OTOP1: variants seen among roughly 807,000 people sequenced by gnomAD.
OTOP1 encodes proton channel OTOP1.
A neutral mutation model predicts 52.9 loss-of-function variants in OTOP1; 59 were observed. That is an observed-to-expected ratio of 1.12 (90% CI 0.91 to 1.39). The LOEUF is 1.39. Ranked by LOEUF, OTOP1 falls within the 40% of genes most tolerant of loss-of-function variation. The pLI is 0.00. For missense variants in OTOP1, 761 were observed against 800.9 expected (o/e 0.95, Z 0.60); for synonymous variants, 317 against 337.7 (o/e 0.94, Z 0.67).
At chr4:4,209,505 T>A (rs1234142071) in intron 2 of OTOP1, among the ~76,000 whole-genome samples, 1 of 152,142 alleles carries the variant, frequency 6.6e-6, no homozygotes, top group Non-Finnish European at 1.5e-5. Context: ...AAAATTCACA[T>A]CTGTCCCAGT....
At chr4:4,220,057 G>T (rs1159677939) in intron 1 of OTOP1, among the ~76,000 whole-genome samples, 7 of 126,820 alleles carry the variant, frequency 5.5e-5, no homozygotes, top group South Asian at 4.8e-4. Context: ...ATACATATAC[G>T]TGTATATACA....
intron 5 of OTOP1, among the ~76,000 whole-genome samples, chr4:4,195,091 G>A (rs1184597111): frequency 1.3e-5 from 2 of 152,072 alleles, no homozygotes; most frequent in African/African-American, 4.8e-5. Flanking sequence ...GTCCTCCCTT[G>A]CCCTCAACAT....
At chr4:4,219,888 CAT>C (rs1376485785) in intron 1 of OTOP1, among the ~76,000 whole-genome samples, 6 of 143,828 alleles carry the variant, frequency 4.2e-5, no homozygotes, top group Non-Finnish European at 9.1e-5. Context: ...TATATATACA[CAT>C]ATATGTATAC....
intron 1 of OTOP1, 100 bp downstream of exon 1, chr4:4,226,362 T>C: frequency 8.4e-7 from 1 of 1,197,284 alleles, no homozygotes; most frequent in Non-Finnish European, 1.1e-6. Flanking sequence ...CAGAAAAGGC[T>C]GAAGGGAAGA....
In OTOP1 at chr4:4,205,835, T is replaced by G. The variant is rs971585391; in HGVS notation, c.599+237A>C. 2.0e-5 allele frequency among the ~76,000 whole-genome samples: 3 copies of G among 152,232 alleles called. No individual in the cohort carries two copies. In the South Asian group the frequency reaches 6.2e-4, roughly 32 times the overall value. ...CTGAGGGTCATAACAGAAAAGTGTC[T>G]AAGATGCAGATTCGGCTTCAAAATT... On this transcript the variant is annotated intron_variant, in intron 3 of 5. Coordinates refer to ENST00000296358, the MANE Select transcript of OTOP1 (RefSeq NM_177998.3).
chr4:4,199,891 T>C (rs1413592653), intron 4 of OTOP1, among the ~76,000 whole-genome samples: 3 of 152,196 alleles, frequency 2.0e-5, no homozygotes, highest in Non-Finnish European at 4.4e-5. Flanking sequence ...TAGGACAGAA[T>C]GGAGTGGAGT....
chr4:4,224,263 T>C (rs1214978559), intron 1 of OTOP1, among the ~76,000 whole-genome samples: 2 of 150,992 alleles, frequency 1.3e-5, no homozygotes, highest in Non-Finnish European at 3.0e-5. Flanking sequence ...AGGAGAATCG[T>C]TTGAACCCGG....
Position 4,197,680 on chromosome 4 carries a change from G to T in OTOP1, c.1154C>A (p.Pro385Gln), listed in dbSNP as rs1419235778. The change falls in exon 5 of 6, where the codon CCG becomes CAG. Residue 385 changes from proline (P) to glutamine (Q), a missense_variant. Physicochemically the swap from Pro to Gln is moderately conservative, Grantham distance 76. Coordinates refer to ENST00000296358, the MANE Select transcript of OTOP1 (RefSeq NM_177998.3). ...DEKSLDESKN[P>Q]ARKLDSDLLV... ...GAGGTCCGAGTCCAGTTTGCGGGCC[G>T]GATTTTTGGACTCATCCAGTGACTT... 1 of 1,613,616 alleles carries T rather than the reference G, an allele frequency of 6.2e-7. No individual in the cohort carries two copies. Among genetic ancestry groups the T allele is most frequent in the Non-Finnish European group, 8.5e-7 (1 of 1,179,970 alleles).
chr4:4,197,769 G>T lies in OTOP1; in HGVS notation c.1065C>A (p.Ile355=). The change falls in exon 5 of 6, where the codon ATC becomes ATA. Residue 355 remains isoleucine, a synonymous_variant. Coordinates refer to ENST00000296358, the MANE Select transcript of OTOP1 (RefSeq NM_177998.3). Reference sequence around the variant, plus strand: ...CAGCCCCCATAAGCATCAGCAGGGTGATGGCATACAGGTAGAACATGATGA... The same window carrying T: ...CAGCCCCCATAAGCATCAGCAGGGTTATGGCATACAGGTAGAACATGATGA... ...SALIMFYLYA[I]TLLMLMGAAG... The T allele has an allele frequency of 6.2e-7, 1 of 1,614,028 alleles. No homozygotes were observed. Among genetic ancestry groups the T allele is most frequent in the African/African-American group, 1.3e-5 (1 of 75,000 alleles).
At chr4:4,190,583 T>C (rs1716480164) in intron 5 of OTOP1, among the ~76,000 whole-genome samples, 1 of 152,260 alleles carries the variant, frequency 6.6e-6, no homozygotes, top group Non-Finnish European at 1.5e-5. Context: ...GTATAACAAC[T>C]ATTTACATAG....
intron 1 of OTOP1, 46 bp downstream of exon 1, chr4:4,226,416 A>C (rs1717433612): frequency 2.2e-6 from 3 of 1,384,872 alleles, no homozygotes; most frequent in Non-Finnish European, 2.8e-6. Flanking sequence ...GGATGCAGCC[A>C]GCGGGCGAGG....
At position 4,197,709 on chromosome 4, in the gene OTOP1, G is replaced by T. The variant is rs539020363; in HGVS notation, c.1125C>A (p.Asp375Glu). The change falls in exon 5 of 6, where the codon GAC becomes GAA. Residue 375 changes from aspartate (D) to glutamate (E), a missense_variant. Physicochemically the swap from Asp to Glu is conservative, Grantham distance 45. Around this residue, in one of 3 missense-constraint regions of OTOP1, gnomAD observed 632 missense variants for 619.5 expected, o/e 1.02. Coordinates refer to ENST00000296358, the MANE Select transcript of OTOP1 (RefSeq NM_177998.3). ...GLAGIRIYRI[D>E]EKSLDESKNP... The stretch of plus-strand genomic sequence containing the variant: ...TTTTGGACTCATCCAGTGACTTCTC[G>T]TCTATCCTGTAAATCCGGATTCCAG... The T allele has an allele frequency of 6.2e-7, 1 of 1,613,790 alleles. No individual in the cohort carries two copies. The highest frequency in any genetic ancestry group is 1.7e-5 in the Admixed American group (1 of 59,972).
intron 1 of OTOP1, among the ~76,000 whole-genome samples, chr4:4,226,116 T>G (rs1717427427): frequency 2.0e-5 from 3 of 152,068 alleles, no homozygotes; most frequent in Admixed American, 2.0e-4. Flanking sequence ...GGGGGCCGAG[T>G]GCTAGAAGGC....
chr4:4,223,990 T>C (rs1408945458), intron 1 of OTOP1, among the ~76,000 whole-genome samples: 1 of 140,808 alleles, frequency 7.1e-6, no homozygotes, highest in Admixed American at 7.2e-5. Context: ...GAGAGAAGGA[T>C]GGAGGAAGGA....
At chr4:4,200,473 TAA>T (rs140931122) in intron 4 of OTOP1, among the ~76,000 whole-genome samples, 6 of 139,850 alleles carry the variant, frequency 4.3e-5, no homozygotes, top group Admixed American at 7.1e-5. Context: ...AGACTCCGTC[TAA>T]AAAAAAAAAA....
chr4:4,224,389 C>G (rs28431471), intron 1 of OTOP1, among the ~76,000 whole-genome samples: 15,679 of 134,532 alleles, frequency 0.12, 1,474 homozygotes, highest in African/African-American at 0.28. Context: ...GGAGGGAAGG[C>G]GAGGGAATAG....
intron 4 of OTOP1, among the ~76,000 whole-genome samples, chr4:4,199,629 T>C (rs1314225910): frequency 1.3e-5 from 2 of 152,296 alleles, no homozygotes; most frequent in Admixed American, 6.5e-5. Flanking sequence ...GCTAGGCTGG[T>C]CTTGAACTCC....
At chr4:4,193,489 C>T (rs912959562) in intron 5 of OTOP1, among the ~76,000 whole-genome samples, 4 of 152,222 alleles carry the variant, frequency 2.6e-5, no homozygotes, top group South Asian at 2.1e-4. Flanking sequence ...GGACTGGCTC[C>T]CGATGCTGGA....
chr4:4,226,812 G>A lies in OTOP1; in HGVS notation c.53C>T (p.Ser18Leu), dbSNP rs1717452068. ...CGCTGGCCCCGACGACCCTGCGACC[G>A]AGGCGCTTGCAGCTGCCCGGGGCGA... ...PASPRAAASA[S>L]VAGSSGPAAC... The change falls in exon 1 of 6, where the codon TCG becomes TTG. Residue 18 changes from serine to leucine, a missense_variant. Physicochemically the swap from Ser to Leu is moderately radical, Grantham distance 145. Transcript: ENST00000296358. 7.3e-7 allele frequency: 1 copy of A among 1,361,438 alleles called. No homozygotes were observed. The highest frequency in any genetic ancestry group is 2.7e-4 in the Middle Eastern group (1 of 3,692). 84.3% of individuals were successfully genotyped at this position (1,361,438 alleles called of 1,614,324 possible).
Sources: gnomAD v4.1 joint callset for allele counts (sites outside exome capture counted in the v4.1 genomes callset) on GRCh38, gnomAD v4.1.1 for gene constraint, gnomAD v4.1.1 regional missense constraint, MANE v1.5 for transcripts, NCBI Gene and HGNC (gene_info 2026-07-23, HGNC 2026-07-21) for gene names.